Variants in ASZ1 observed in about 807,000 individuals in gnomAD.
The protein encoded by ASZ1 is ankyrin repeat, SAM and basic leucine zipper domain containing 1.
ASZ1 carries 67 observed loss-of-function variants against 61.8 expected under a neutral mutation model. That is an observed-to-expected ratio of 1.08 (90% CI 0.89 to 1.33). The LOEUF is 1.33. ASZ1 is among the 40% of genes most tolerant of loss of function. ASZ1 has a pLI of 0.00. For missense variants in ASZ1, 577 were observed against 554.5 expected (o/e 1.04, Z -0.41); for synonymous variants, 193 against 192.7 (o/e 1.00, Z -0.01).
chr7:117,367,330 C>G (rs778660056), intron 12 of ASZ1, 22 bp downstream of exon 12: 197 of 1,433,168 alleles, frequency 1.4e-4, no homozygotes, highest in Non-Finnish European at 1.7e-4. Context: ...TTTTTCCCCT[C>G]CTTTTAATGT....
chr7:117,409,521 A>G (rs1369204138), intron 4 of ASZ1, among the ~76,000 whole-genome samples: 2 of 151,860 alleles, frequency 1.3e-5, no homozygotes, highest in South Asian at 2.1e-4. Context: ...GAATTCTACT[A>G]TATGTTCAGG....
intron 4 of ASZ1, among the ~76,000 whole-genome samples, chr7:117,395,232 T>G (rs967430579): frequency 6.6e-6 from 1 of 152,194 alleles, no homozygotes; most frequent in Non-Finnish European, 1.5e-5. Context: ...CAAAAATAAC[T>G]TTATCAAAAT....
intron 7 of ASZ1, among the ~76,000 whole-genome samples, chr7:117,382,495 C>CTTT (rs1796274280): frequency 6.7e-6 from 1 of 149,972 alleles, no homozygotes; most frequent in African/African-American, 2.5e-5. Context: ...GTGTTTGAGG[C>CTTT]AAAAAAACCC....
Position 117,385,751 on chromosome 7 carries a change from G to C in ASZ1, c.499C>G (p.Leu167Val). 6.2e-7 allele frequency: 1 copy of C among 1,613,690 alleles called. No homozygotes were observed. Residue 167 changes from leucine (L) to valine (V), a missense_variant, in exon 5 of 13, where the codon CTC (leucine) becomes GTC (valine). Physicochemically the swap from Leu to Val is conservative, Grantham distance 32 (BLOSUM62 1). Transcript: ENST00000284629. ...ACTTCTGCTCCATGAGCAACAAGGAGAGCAACAACCTGGGTGTGACCATCT... is the reference window on the plus strand; with the variant it reads ...ACTTCTGCTCCATGAGCAACAAGGACAGCAACAACCTGGGTGTGACCATCT... ...ARDGHTQVVA[L>V]LVAHGAEVNT...
At chr7:117,376,816 C>T (rs1796145699) in intron 10 of ASZ1, among the ~76,000 whole-genome samples, 1 of 152,084 alleles carries the variant, frequency 6.6e-6, no homozygotes, top group African/African-American at 2.4e-5. Flanking sequence ...AAACCTATAG[C>T]TAACATCACA....
At chr7:117,367,689 T>C (rs1795969519) in intron 11 of ASZ1, 1 of 991,954 alleles carries the variant, frequency 1.0e-6, no homozygotes, top group Admixed American at 4.9e-5. Flanking sequence ...TAACTTTCTA[T>C]ATGGAGATTA....
chr7:117,411,484 G>A (rs1246666971), intron 4 of ASZ1, among the ~76,000 whole-genome samples: 1 of 151,810 alleles, frequency 6.6e-6, no homozygotes, highest in East Asian at 1.9e-4. Context: ...CTAACAATAT[G>A]TTAGCAAGAA....
intron 4 of ASZ1, among the ~76,000 whole-genome samples, chr7:117,398,927 T>G (rs1379138175): frequency 6.6e-6 from 1 of 152,196 alleles, no homozygotes; most frequent in African/African-American, 2.4e-5. Context: ...CTCCTACTTA[T>G]CCTTCAAAAC....
intron 9 of ASZ1, 59 bp from the exon 10 acceptor site, chr7:117,380,106 CAAAATTG>C: frequency 1.8e-6 from 2 of 1,093,368 alleles, no homozygotes; most frequent in East Asian, 2.4e-5. Flanking sequence ...ATTTAAAACT[CAAAATTG>C]CTAAAGATGT....
At position 117,417,740 on chromosome 7, in the gene ASZ1, A is replaced by C. The variant is rs551276509; in HGVS notation, c.440+2423T>G. Among the ~76,000 whole-genome samples, 7 of 152,366 alleles carry C rather than the reference A, an allele frequency of 4.6e-5. No individual in the cohort carries two copies. The East Asian group carries it at 7.7e-4, about 17-fold the overall frequency. On this transcript the variant is annotated intron_variant, in intron 4 of 12. Coordinates refer to ENST00000284629, the MANE Select transcript of ASZ1 (RefSeq NM_130768.3). Reference sequence around the variant, plus strand: ...CTTTATGCTTTGAGCATTAAAAAAGAAGCAGCTGAATAGTTTTTCAGGTTA... The same window carrying C: ...CTTTATGCTTTGAGCATTAAAAAAGCAGCAGCTGAATAGTTTTTCAGGTTA...
chr7:117,364,960 C>G (rs892461140), intron 12 of ASZ1, among the ~76,000 whole-genome samples: 1 of 151,556 alleles, frequency 6.6e-6, no homozygotes, highest in African/African-American at 2.4e-5. Flanking sequence ...CTCTCCCACC[C>G]TCTCTCTGTT....
chr7:117,409,094 A>T (rs1370572648), intron 4 of ASZ1, among the ~76,000 whole-genome samples: 1 of 152,050 alleles, frequency 6.6e-6, no homozygotes, highest in Non-Finnish European at 1.5e-5. Flanking sequence ...GGGCAGAAAA[A>T]ATACACACAA....
Position 117,376,780 on chromosome 7 carries a change from C to T in ASZ1, c.1055+3158G>A, listed in dbSNP as rs553089879. Among the ~76,000 whole-genome samples, 180 of 152,196 alleles carry T rather than the reference C, an allele frequency of 1.2e-3. 1 individual carries two copies. The highest frequency in any genetic ancestry group is 4.3e-3 in the African/African-American group (177 of 41,558). ...TTTTAGAAAAATGAATAGCGCATAA[C>T]TTCCCCAATCTCATAATCTACAAAA... is the stretch of plus-strand genomic sequence containing the variant. On this transcript the variant is annotated intron_variant, in intron 10 of 12. Transcript: ENST00000284629.
chr7:117,393,199 A>G (rs997973304), intron 4 of ASZ1, among the ~76,000 whole-genome samples: 1 of 152,300 alleles, frequency 6.6e-6, no homozygotes, highest in South Asian at 2.1e-4. Flanking sequence ...GGTCTACAAC[A>G]TAACTTCTGT....
intron 6 of ASZ1, among the ~76,000 whole-genome samples, chr7:117,383,576 C>T (rs1352961417): frequency 3.3e-5 from 5 of 151,902 alleles, no homozygotes. Flanking sequence ...ATGAGCATGA[C>T]TAAATGTATA....
intron 2 of ASZ1, among the ~76,000 whole-genome samples, chr7:117,422,563 A>T (rs891122440): frequency 6.6e-6 from 1 of 152,234 alleles, no homozygotes; most frequent in Non-Finnish European, 1.5e-5. Flanking sequence ...CACTACAGGC[A>T]CTATGTTCCG....
chr7:117,386,732 G>T (rs974924151), intron 4 of ASZ1, among the ~76,000 whole-genome samples: 5 of 152,086 alleles, frequency 3.3e-5, no homozygotes, highest in Admixed American at 2.6e-4. Flanking sequence ...CCTACCAATA[G>T]ACTATTTCTC....
chr7:117,404,267 A>G (rs1023086048), intron 4 of ASZ1, among the ~76,000 whole-genome samples: 3 of 150,542 alleles, frequency 2.0e-5, no homozygotes, highest in Admixed American at 6.6e-5. Flanking sequence ...GAGGCTCCTT[A>G]GTGAAGTGCT....
At chr7:117,425,560 G>A (rs562643260) in intron 2 of ASZ1, among the ~76,000 whole-genome samples, 12 of 151,874 alleles carry the variant, frequency 7.9e-5, no homozygotes, top group South Asian at 6.2e-4. Context: ...GAGCCACCGC[G>A]CCCGGCCAGT....
Sources: allele counts gnomAD v4.1 joint callset (sites outside exome capture counted in the v4.1 genomes callset), GRCh38; gene constraint gnomAD v4.1.1; transcripts MANE v1.5; gene names NCBI Gene and HGNC (gene_info 2026-07-23, HGNC 2026-07-21).